The following IL17RE variants were observed in gnomAD, a reference collection of about 807,000 sequenced individuals.
IL17RE encodes interleukin 17 receptor E, also known as interleukin-17 receptor E.
Under a neutral mutation model 70.7 loss-of-function variants are expected in IL17RE, and 47 were observed. That is an observed-to-expected ratio of 0.67 (90% CI 0.53 to 0.85). The LOEUF (loss-of-function observed/expected upper bound fraction) is 0.85, where lower values mean the gene tolerates loss of function less well. IL17RE is among the 40% of genes least tolerant of loss of function. The pLI is 0.00. For synonymous variants in IL17RE, 372 were observed against 381.2 expected, an observed-to-expected ratio of 0.98 and a Z score of 0.28; for missense variants, 850 against 893.9, an observed-to-expected ratio of 0.95 and a Z score of 0.63.
At chr3:9,910,765 A>T in intron 8 of IL17RE, 100 bp from the exon 9 acceptor site, 2 of 977,706 alleles carry the variant, frequency 2.0e-6, no homozygotes, top group Non-Finnish European at 3.1e-6. Flanking sequence ...AGTGCTGGTT[A>T]CTTTTACAAA....
rs979550397 is a variant in IL17RE, at chr3:9,908,297, T to C, written c.725T>C (p.Leu242Pro). 6.2e-7 allele frequency: 1 copy of C among 1,614,120 alleles called. No individual in the cohort carries two copies. The highest frequency in any genetic ancestry group is 8.5e-7 in the Non-Finnish European group (1 of 1,179,992). ...CCTTATGAATTCCTTCTGCCCTGTC[T>C]GTGCATAGAGGTGAGCAAAGGAAAA... is the stretch of plus-strand genomic sequence containing the variant. Reference protein sequence around the residue: ...ELPYEFLLPCLCIEASYLQED... With the variant: ...ELPYEFLLPCPCIEASYLQED... The change falls in exon 7 of 16, where the codon CTG becomes CCG. Residue 242 changes from leucine (L) to proline (P), a missense_variant. Leu to Pro is a moderately conservative substitution (Grantham distance 98). Coordinates refer to ENST00000383814, the MANE Select transcript of IL17RE (RefSeq NM_153480.2).
Position 9,915,899 on chromosome 3 carries a change from T to C in IL17RE, c.*92T>C. The C allele has an allele frequency of 7.2e-7, 1 of 1,384,938 alleles. No individual in the cohort carries two copies. Among genetic ancestry groups the C allele is most frequent in the Non-Finnish European group, 9.3e-7 (1 of 1,072,480 alleles). The allele number at this position is 1,384,938 out of a possible 1,614,324, so 85.8% of individuals were successfully genotyped here. On this transcript the variant is annotated 3_prime_UTR_variant, in exon 16 of 16. Transcript: ENST00000383814. This position sits in a 1 kb window ranked among gnomAD's most constrained non-coding sequence, Gnocchi z 4.9. ...AATGAGCCTTCGACCCTGAAATCCT[T>C]GGGGTGCCTCGAGGACGACTGGCCG...
At position 9,911,590 on chromosome 3, in the gene IL17RE, T is replaced by C; in HGVS notation, c.1220T>C (p.Val407Ala). 1.2e-6 allele frequency: 2 copies of C among 1,612,274 alleles called. No homozygotes were observed. The highest frequency in any genetic ancestry group is 1.7e-6 in the Non-Finnish European group (2 of 1,178,444). Residue 407 changes from valine to alanine, a missense_variant, in exon 12 of 16, where the codon GTC becomes GCC. By Grantham distance (64) the Val-to-Ala change is moderately conservative. Transcript: ENST00000383814. ...ACTTTGGTGCCCCCCGTGTACACTG[T>C]CAGCCAGGTATGGCCTCGCCCCCAC... ...QDTLVPPVYT[V>A]SQARGSSPVS...
chr3:9,915,239 T>A lies in IL17RE; in HGVS notation c.1448-12T>A. ...AGCCGCCCAGCCTTCATCTGTTGCTTCCCGCCACCAGGCCCGGGCCCAGCG... is the reference window on the plus strand; with the variant it reads ...AGCCGCCCAGCCTTCATCTGTTGCTACCCGCCACCAGGCCCGGGCCCAGCG... On this transcript the variant is annotated splice_polypyrimidine_tract_variant and intron_variant, in intron 15 of 15. Coordinates refer to ENST00000383814, the MANE Select transcript of IL17RE (RefSeq NM_153480.2). The surrounding 1 kb of genome is among the most constrained non-coding windows in gnomAD (Gnocchi z 4.9). 7.3e-7 allele frequency: 1 copy of A among 1,377,804 alleles called. No individual in the cohort carries two copies. The allele number at this position is 1,377,804 out of a possible 1,614,324, so 85.3% of individuals were successfully genotyped here. A position where few individuals can be genotyped will look rare whatever the true frequency, so the allele number is the denominator to read the frequency against.
chr3:9,913,891 C>T, intron 12 of IL17RE, 65 bp from the exon 13 acceptor site: 6 of 1,357,990 alleles, frequency 4.4e-6, no homozygotes, highest in Non-Finnish European at 6.3e-6. Context: ...GGGGCAAAGA[C>T]TCAAGGCCAG....
intron 12 of IL17RE, among the ~76,000 whole-genome samples, chr3:9,912,850 C>G (rs897255645): frequency 6.6e-6 from 1 of 152,114 alleles, no homozygotes; most frequent in African/African-American, 2.4e-5. Context: ...GCCTGGGTGA[C>G]AGCATAAGAC....
At chr3:9,902,695 G>A, upstream of IL17RE, 1 of 1,535,958 alleles carries the variant, frequency 6.5e-7, no homozygotes, top group Non-Finnish European at 8.7e-7. Context: ...TCTTTCAGGT[G>A]GGGGGCAGTA....
chr3:9,914,315 C>A, intron 13 of IL17RE: 1 of 1,148,572 alleles, frequency 8.7e-7, no homozygotes, highest in Non-Finnish European at 1.2e-6. Context: ...CAGGTCCTCA[C>A]AGCAGCCCTG....
chr3:9,906,660 G>T, intron 4 of IL17RE, 46 bp from the exon 5 acceptor site: 1 of 1,606,110 alleles, frequency 6.2e-7, no homozygotes, highest in Non-Finnish European at 8.5e-7. Flanking sequence ...CAGAAGCCAG[G>T]TTTCCTGATT....
intron 12 of IL17RE, 89 bp from the exon 13 acceptor site, chr3:9,913,867 G>A: frequency 9.7e-7 from 1 of 1,030,758 alleles, no homozygotes; most frequent in Non-Finnish European, 1.5e-6. Context: ...GGGGTGTGGT[G>A]GGGAGGAACA....
chr3:9,914,829 T>C, intron 15 of IL17RE, 52 bp downstream of exon 15: 1 of 1,438,138 alleles, frequency 7.0e-7, no homozygotes, highest in East Asian at 2.3e-5. Context: ...GCTCGGAGAC[T>C]AGCTGCCCCC....
At chr3:9,907,161 C>G (rs2082779589) in intron 6 of IL17RE, 61 bp downstream of exon 6, 1 of 1,599,288 alleles carries the variant, frequency 6.3e-7, no homozygotes, top group African/African-American at 1.3e-5. Flanking sequence ...AAGAGGCCAC[C>G]CATTGTACAA....
chr3:9,909,247 C>T lies in IL17RE; in HGVS notation c.766C>T (p.Arg256Cys), dbSNP rs461222. 55 of 1,613,928 alleles carry T rather than the reference C, an allele frequency of 3.4e-5. No individual in the cohort carries two copies. The highest frequency in any genetic ancestry group is 4.1e-5 in the Non-Finnish European group (48 of 1,179,976). The change falls in exon 8 of 16, where the codon CGC (arginine) becomes TGC (cysteine). Residue 256 changes from arginine (R) to cysteine (C), a missense_variant. By Grantham distance (180) the Arg-to-Cys change is radical. Coordinates refer to ENST00000383814, the MANE Select transcript of IL17RE (RefSeq NM_153480.2). ...CTACCTGCAAGAGGACACTGTGAGG[C>T]GCAAAAAATGTCCCTTCCAGAGCTG... is the stretch of plus-strand genomic sequence containing the variant. Reference protein sequence around the residue: ...ASYLQEDTVRRKKCPFQSWPE... With the variant: ...ASYLQEDTVRCKKCPFQSWPE...
chr3:9,903,186 C>T, intron 1 of IL17RE, 122 bp downstream of exon 1: 1 of 1,022,870 alleles, frequency 9.8e-7, no homozygotes, highest in Non-Finnish European at 1.5e-6. Flanking sequence ...GATGTGTCCT[C>T]TACCTAGTCT....
At chr3:9,910,104 G>A (rs279573) in intron 8 of IL17RE, 73,376 of 152,184 alleles carry the variant, frequency 0.48, 18,423 homozygotes, top group Middle Eastern at 0.55. Flanking sequence ...AATGGCTCAC[G>A]CCTGTAATTC....
At chr3:9,912,324 C>G (rs761176131) in intron 12 of IL17RE, among the ~76,000 whole-genome samples, 1 of 152,130 alleles carries the variant, frequency 6.6e-6, no homozygotes. Flanking sequence ...GACCACTGCT[C>G]TAGCCTAACA....
rs905794201 is a variant in IL17RE at position 9,906,293 on chromosome 3, C to T, written c.269-71C>T. Reference sequence around the variant, plus strand: ...AAAATAAAATAAAATTACTTACTAACACTGGGCCACATCTCCAGGCAGGGG... The same window carrying T: ...AAAATAAAATAAAATTACTTACTAATACTGGGCCACATCTCCAGGCAGGGG... On this transcript the variant is annotated intron_variant, in intron 3 of 15. Transcript: ENST00000383814. The T allele has an allele frequency of 7.8e-6, 6 of 769,802 alleles. No individual in the cohort carries two copies. The African/African-American group carries it at 1.0e-4, about 13-fold the overall frequency. The allele number at this position is 769,802 out of a possible 1,614,324, so 47.7% of individuals were successfully genotyped here.
chr3:9,907,208 T>A lies in IL17RE; in HGVS notation c.666+108T>A, dbSNP rs563781595. On this transcript the variant is annotated intron_variant, in intron 6 of 15. Transcript: ENST00000383814. ...GAGGCCCAGAGAGGGATGGTAACTG[T>A]CCAAGACCTCCTTACAAGCTGAAGG... The A allele has an allele frequency of 8.8e-6, 12 of 1,367,472 alleles. No homozygotes were observed. The East Asian group carries it at 2.8e-4, about 31-fold the overall frequency. The allele number at this position is 1,367,472 out of a possible 1,614,324, so 84.7% of individuals were successfully genotyped here. A position where few individuals can be genotyped will look rare whatever the true frequency, so the allele number is the denominator to read the frequency against.
chr3:9,903,357 G>C, intron 1 of IL17RE, 40 bp from the exon 2 acceptor site: 1 of 1,612,110 alleles, frequency 6.2e-7, no homozygotes, highest in Non-Finnish European at 8.5e-7. Context: ...CCTAATAATA[G>C]CTCTTTCCTT....
Sources: allele counts gnomAD v4.1 joint callset (sites outside exome capture counted in the v4.1 genomes callset), GRCh38; gene constraint gnomAD v4.1.1; non-coding constraint Gnocchi (gnomAD v3.1); transcripts MANE v1.5; gene names NCBI Gene and HGNC (gene_info 2026-07-23, HGNC 2026-07-21).